Variants in RAP1A observed in about 807,000 individuals in gnomAD.
RAP1A encodes ras-related protein Rap-1A.
Under a neutral mutation model 26.4 loss-of-function variants are expected in RAP1A, and 6 were observed. That is an observed-to-expected ratio of 0.23 (90% CI 0.12 to 0.45). RAP1A has a LOEUF of 0.45. RAP1A is among the 20% of genes least tolerant of loss of function. The probability of loss-of-function intolerance (pLI) is 0.99; values close to 1 mark genes in which losing one functional copy is unlikely to be tolerated. For synonymous variants in RAP1A, 73 were observed against 79.4 expected, an observed-to-expected ratio of 0.92 and a Z score of 0.43; for missense variants, 121 against 217.2, an observed-to-expected ratio of 0.56 and a Z score of 2.78.
At chr1:111,551,630 C>G (rs1427368658) in intron 1 of RAP1A, among the ~76,000 whole-genome samples, 1 of 152,040 alleles carries the variant, frequency 6.6e-6, no homozygotes, top group Non-Finnish European at 1.5e-5. Flanking sequence ...TCTTTTAAAT[C>G]AGATTTTTAA....
At chr1:111,584,380 T>C (rs1195116426) in intron 1 of RAP1A, among the ~76,000 whole-genome samples, 1 of 152,070 alleles carries the variant, frequency 6.6e-6, no homozygotes, top group Non-Finnish European at 1.5e-5. Context: ...GGAGACTGGG[T>C]AGTCCAAGAT....
At chr1:111,709,984 T>A (rs1215429697) in intron 7 of RAP1A, among the ~76,000 whole-genome samples, 1 of 152,230 alleles carries the variant, frequency 6.6e-6, no homozygotes, top group Non-Finnish European at 1.5e-5. Flanking sequence ...TACATGCATT[T>A]CTGTTGGGTA....
At chr1:111,564,656 G>A (rs1179978822) in intron 1 of RAP1A, among the ~76,000 whole-genome samples, 2 of 151,862 alleles carry the variant, frequency 1.3e-5, no homozygotes, top group African/African-American at 4.8e-5. Flanking sequence ...GGGACCACAG[G>A]CGCCCACCAC....
At chr1:111,702,610 C>G (rs1662057995) in intron 4 of RAP1A, among the ~76,000 whole-genome samples, 1 of 151,624 alleles carries the variant, frequency 6.6e-6, no homozygotes, top group Non-Finnish European at 1.5e-5. Flanking sequence ...TCTTGTTGCC[C>G]AGGCTTGAGT....
At chr1:111,604,261 G>A (rs1215811813) in intron 1 of RAP1A, 1 of 152,248 alleles carries the variant, frequency 6.6e-6, no homozygotes, top group East Asian at 1.9e-4. Context: ...GAGCTGACAA[G>A]CCAAGTTTCT....
chr1:111,643,068 C>T (rs1029364404), intron 1 of RAP1A, among the ~76,000 whole-genome samples: 3 of 152,168 alleles, frequency 2.0e-5, no homozygotes, highest in Non-Finnish European at 4.4e-5. Flanking sequence ...CTGCGCCCGG[C>T]CAGCTAATTT....
chr1:111,623,737 GT>G (rs1557869353), intron 1 of RAP1A, among the ~76,000 whole-genome samples: 1 of 152,126 alleles, frequency 6.6e-6, no homozygotes, highest in Non-Finnish European at 1.5e-5. Flanking sequence ...ATTTTATTTG[GT>G]TTATAGGGGA....
At chr1:111,709,573 T>G (rs78568428) in intron 7 of RAP1A, among the ~76,000 whole-genome samples, 1,826 of 152,290 alleles carry the variant, frequency 0.012, 43 homozygotes, top group African/African-American at 0.042. Flanking sequence ...ACTCCCAAAT[T>G]CATTCTTAAT....
intron 1 of RAP1A, among the ~76,000 whole-genome samples, chr1:111,581,208 T>C (rs1190938886): frequency 2.0e-5 from 3 of 151,726 alleles, no homozygotes; most frequent in Admixed American, 2.0e-4. Context: ...GACGGTTTTG[T>C]GGTGGATTGA....
chr1:111,635,459 A>G (rs1392446486), intron 1 of RAP1A, among the ~76,000 whole-genome samples: 1 of 152,188 alleles, frequency 6.6e-6, no homozygotes, highest in Non-Finnish European at 1.5e-5. Flanking sequence ...CAATATCTAT[A>G]TCTTGTTTGA....
At chr1:111,680,335 C>T (rs909843584) in intron 1 of RAP1A, among the ~76,000 whole-genome samples, 10 of 152,158 alleles carry the variant, frequency 6.6e-5, no homozygotes, top group African/African-American at 1.9e-4. Context: ...CTTTTATTCC[C>T]TTATTTGTCC....
chr1:111,589,848 C>T (rs1413253144), intron 1 of RAP1A, among the ~76,000 whole-genome samples: 1 of 152,112 alleles, frequency 6.6e-6, no homozygotes, highest in Admixed American at 6.6e-5. Context: ...TCACCTAGAT[C>T]ACTTGAACTC....
intron 1 of RAP1A, among the ~76,000 whole-genome samples, chr1:111,679,622 G>A (rs1661233602): frequency 6.6e-6 from 1 of 152,154 alleles, no homozygotes; most frequent in Non-Finnish European, 1.5e-5. Context: ...TGCTCAGCAG[G>A]TCCCAACCCC....
At chr1:111,662,747 A>G (rs1342275314) in intron 1 of RAP1A, among the ~76,000 whole-genome samples, 1 of 152,200 alleles carries the variant, frequency 6.6e-6, no homozygotes, top group Non-Finnish European at 1.5e-5. Context: ...ATATGTTATT[A>G]AATATGTTGT....
chr1:111,556,237 A>C (rs1462598261), intron 1 of RAP1A, among the ~76,000 whole-genome samples: 1 of 152,228 alleles, frequency 6.6e-6, no homozygotes, highest in East Asian at 1.9e-4. Context: ...TACACTTATA[A>C]GTATGGCTAT....
intron 1 of RAP1A, among the ~76,000 whole-genome samples, chr1:111,684,090 G>A (rs1299582108): frequency 6.6e-6 from 1 of 152,106 alleles, no homozygotes; most frequent in African/African-American, 2.4e-5. Flanking sequence ...ATGTGGAAAA[G>A]GCCTTTGATA....
At chr1:111,633,680 T>A (rs1659642107) in intron 1 of RAP1A, among the ~76,000 whole-genome samples, 1 of 152,216 alleles carries the variant, frequency 6.6e-6, no homozygotes, top group Admixed American at 6.5e-5. Context: ...TTGTAAAACA[T>A]CCCTTTGAAT....
intron 1 of RAP1A, among the ~76,000 whole-genome samples, chr1:111,637,452 T>C (rs1240382646): frequency 1.3e-5 from 2 of 152,244 alleles, no homozygotes; most frequent in Non-Finnish European, 2.9e-5. Flanking sequence ...ATCTGTGTTT[T>C]ATGCACTAAA....
intron 1 of RAP1A, among the ~76,000 whole-genome samples, chr1:111,682,319 C>T (rs536285558): frequency 1.3e-5 from 2 of 152,000 alleles, no homozygotes; most frequent in Admixed American, 1.3e-4. Flanking sequence ...CAAATTCACA[C>T]ATAACAATAT....
Sources: gnomAD v4.1 joint callset for allele counts (sites outside exome capture counted in the v4.1 genomes callset) on GRCh38, gnomAD v4.1.1 for gene constraint, MANE v1.5 for transcripts, NCBI Gene and HGNC (gene_info 2026-07-23, HGNC 2026-07-21) for gene names.